The following SETDB2 variants were observed in gnomAD, a reference collection of about 807,000 sequenced individuals.
The protein encoded by SETDB2 is histone-lysine N-methyltransferase SETDB2.
A neutral mutation model predicts 82.5 loss-of-function variants in SETDB2; 56 were observed. The observed-to-expected ratio is 0.68, with a 90% CI of 0.55 to 0.85. SETDB2 has a LOEUF of 0.85. Ranked by LOEUF, SETDB2 falls within the 40% of genes least tolerant of loss-of-function variation. The pLI, the probability that SETDB2 is intolerant of heterozygous loss-of-function variation, is 0.00. For synonymous variants in SETDB2, 272 were observed against 284.9 expected (o/e 0.95, Z 0.46); for missense variants, 677 against 816.4 (o/e 0.83, Z 2.08).
intron 5 of SETDB2, among the ~76,000 whole-genome samples, chr13:49,469,547 T>C (rs1044039929): frequency 6.6e-6 from 1 of 152,214 alleles, no homozygotes; most frequent in Non-Finnish European, 1.5e-5. Flanking sequence ...CTTGATGCCT[T>C]CTTCTAGAGA....
chr13:49,475,299 C>A (rs1319187751), intron 5 of SETDB2, among the ~76,000 whole-genome samples: 1 of 152,050 alleles, frequency 6.6e-6, no homozygotes, highest in Non-Finnish European at 1.5e-5. Flanking sequence ...CACAACACGT[C>A]GGAATTCAAG....
At chr13:49,462,598 A>G (rs1187063729) in intron 4 of SETDB2, among the ~76,000 whole-genome samples, 2 of 152,244 alleles carry the variant, frequency 1.3e-5, no homozygotes, top group South Asian at 2.1e-4. Context: ...AACAGGATCA[A>G]TCACCATTCC....
At position 49,494,669 on chromosome 13, in the gene SETDB2, G is replaced by A. The variant is rs908749092; in HGVS notation, c.*2820G>A. ...AAAAAAATTTAAAAATTGGCTGCTAGGGTCTGTCTGCTCACTTCCCTGTTT... is the reference window on the plus strand; with the variant it reads ...AAAAAAATTTAAAAATTGGCTGCTAAGGTCTGTCTGCTCACTTCCCTGTTT... On this transcript the variant is annotated 3_prime_UTR_variant, in exon 14 of 14. Coordinates refer to ENST00000611815, the MANE Select transcript of SETDB2 (RefSeq NM_001160308.3). 4.3e-3 allele frequency: 3 copies of A among 704 alleles called. No homozygotes were observed. The Admixed American group carries it at 0.065, about 15-fold the overall frequency. 0.0% of individuals were successfully genotyped at this position (704 alleles called of 1,614,324 possible).
chr13:49,471,926 ATATATATATTTT>A (rs1268846321), intron 5 of SETDB2, among the ~76,000 whole-genome samples: 4 of 64,612 alleles, frequency 6.2e-5, no homozygotes, highest in African/African-American at 3.1e-4. Flanking sequence ...ATATATATAT[ATATATATATTTT>A]TTTTTTTTTT....
At chr13:49,461,777 G>A (rs1313510401) in intron 4 of SETDB2, among the ~76,000 whole-genome samples, 1 of 152,050 alleles carries the variant, frequency 6.6e-6, no homozygotes, top group Non-Finnish European at 1.5e-5. Flanking sequence ...ACAGATTAAG[G>A]GCTCATTCCC....
At chr13:49,453,454 G>A (rs1017898187) in intron 2 of SETDB2, among the ~76,000 whole-genome samples, 4 of 151,830 alleles carry the variant, frequency 2.6e-5, no homozygotes, top group Non-Finnish European at 5.9e-5. Flanking sequence ...GTGCCGCCAC[G>A]CCCAGCTAAT....
chr13:49,480,396 T>C (rs997237086), intron 7 of SETDB2, 61 bp downstream of exon 7: 7 of 1,002,284 alleles, frequency 7.0e-6, no homozygotes, highest in Non-Finnish European at 1.0e-5. Flanking sequence ...GTACTTTTTA[T>C]TGTGGTCCAA....
chr13:49,458,748 C>T (rs1386514413), intron 2 of SETDB2, among the ~76,000 whole-genome samples: 1 of 152,228 alleles, frequency 6.6e-6, no homozygotes, highest in Non-Finnish European at 1.5e-5. Flanking sequence ...GAATTTGCCA[C>T]CTGTCCCTCT....
chr13:49,452,734 G>A (rs1458708621), intron 2 of SETDB2, among the ~76,000 whole-genome samples: 1 of 151,930 alleles, frequency 6.6e-6, no homozygotes, highest in Non-Finnish European at 1.5e-5. Flanking sequence ...ATTTTTTTGG[G>A]ATTTTGTATC....
chr13:49,470,902 T>G (rs541083772), intron 5 of SETDB2, among the ~76,000 whole-genome samples: 2 of 151,894 alleles, frequency 1.3e-5, no homozygotes, highest in African/African-American at 2.4e-5. Context: ...TTGGGTCTAA[T>G]AGGACACAGG....
rs763014498 is a variant in SETDB2 at position 49,481,002 on chromosome 13, G to A, written c.1042G>A (p.Val348Ile). ...KCNRQLCQNRVVQHGPQVRLQ... is the reference protein window; with the variant it reads ...KCNRQLCQNRIVQHGPQVRLQ... ...TAATCGACAATTGTGTCAAAACCGAGTTGTCCAACATGGTCCTCAAGTGAG... is the reference window on the plus strand; with the variant it reads ...TAATCGACAATTGTGTCAAAACCGAATTGTCCAACATGGTCCTCAAGTGAG... Residue 348 changes from valine to isoleucine, a missense_variant, in exon 8 of 14, where the codon GTT (valine) becomes ATT (isoleucine). Coordinates refer to ENST00000611815, the MANE Select transcript of SETDB2 (RefSeq NM_001160308.3). The A allele has an allele frequency of 3.1e-6, 5 of 1,614,088 alleles. No homozygotes were observed. In the African/African-American group the frequency reaches 4.0e-5, roughly 13 times the overall value.
intron 12 of SETDB2, chr13:49,488,838 A>G (rs1421649207): frequency 4.2e-6 from 2 of 474,464 alleles, no homozygotes; most frequent in African/African-American, 1.9e-5. Flanking sequence ...TAACTGTCTC[A>G]GGATGTTATG....
intron 5 of SETDB2, among the ~76,000 whole-genome samples, chr13:49,470,889 A>C (rs1035841820): frequency 6.6e-6 from 1 of 151,794 alleles, no homozygotes; most frequent in Non-Finnish European, 1.5e-5. Flanking sequence ...CCAGGATGAA[A>C]TCTTGGGTCT....
At chr13:49,476,333 G>A (rs953766735) in intron 5 of SETDB2, 143 bp from the exon 6 acceptor site, 17 of 641,922 alleles carry the variant, frequency 2.6e-5, no homozygotes, top group Non-Finnish European at 3.6e-5. Flanking sequence ...ATCTTTGTAT[G>A]GCTGTAGAAC....
At chr13:49,455,436 A>G (rs1016160811) in intron 2 of SETDB2, among the ~76,000 whole-genome samples, 1 of 152,194 alleles carries the variant, frequency 6.6e-6, no homozygotes, top group African/African-American at 2.4e-5. Flanking sequence ...ATGATTTTAC[A>G]TGTATTGACC....
chr13:49,459,856 G>T (rs891489411), intron 2 of SETDB2: 3 of 313,244 alleles, frequency 9.6e-6, no homozygotes, highest in Non-Finnish European at 1.7e-5. Context: ...CTGTTTTCTA[G>T]TCAAGAAAGT....
chr13:49,470,838 C>A (rs536853843), intron 5 of SETDB2, among the ~76,000 whole-genome samples: 1 of 152,046 alleles, frequency 6.6e-6, no homozygotes, highest in African/African-American at 2.4e-5. Context: ...GAGTGAGACC[C>A]TATTTCAAAA....
chr13:49,491,319 A>G (rs1448158796), intron 13 of SETDB2, among the ~76,000 whole-genome samples: 1 of 152,228 alleles, frequency 6.6e-6, no homozygotes, highest in Non-Finnish European at 1.5e-5. Flanking sequence ...CACACCTGAA[A>G]TTTTGACTCT....
Position 49,477,125 on chromosome 13 carries a change from A to G in SETDB2, c.869+86A>G, listed in dbSNP as rs147024533. The G allele has an allele frequency of 2.3e-4, 280 of 1,238,164 alleles. No homozygotes were observed. The African/African-American group carries it at 3.8e-3, about 17-fold the overall frequency. 76.7% of individuals were successfully genotyped at this position (1,238,164 alleles called of 1,614,324 possible). On this transcript the variant is annotated intron_variant, in intron 6 of 13. Transcript: ENST00000611815. Reference sequence around the variant, plus strand: ...AGTCTTGCTATGTATTAATTTGTCTATCTAAAACCTGTTCAAGAGTTACAG... The same window carrying G: ...AGTCTTGCTATGTATTAATTTGTCTGTCTAAAACCTGTTCAAGAGTTACAG...
Sources: allele counts gnomAD v4.1 joint callset (sites outside exome capture counted in the v4.1 genomes callset), GRCh38; gene constraint gnomAD v4.1.1; transcripts MANE v1.5; gene names NCBI Gene and HGNC (gene_info 2026-07-23, HGNC 2026-07-21).